Variants in MCPH1 observed in about 807,000 individuals in gnomAD.
MCPH1 encodes the protein microcephalin.
A neutral mutation model predicts 84.5 loss-of-function variants in MCPH1; 104 were observed. That is an observed-to-expected ratio of 1.23 (90% confidence interval 1.05 to 1.45). MCPH1 has a LOEUF of 1.45. Among genes scored for constraint, MCPH1 ranks in the 40% most tolerant of loss-of-function variants. MCPH1 has a pLI of 0.00. For missense variants in MCPH1, 1,498 were observed against 1,005.7 expected (o/e 1.49, Z -6.62); for synonymous variants, 514 against 366.8 (o/e 1.40, Z -4.58).
chr8:6,579,509 G>A (rs1372697876), intron 12 of MCPH1, among the ~76,000 whole-genome samples: 1 of 152,116 alleles, frequency 6.6e-6, no homozygotes, highest in Non-Finnish European at 1.5e-5. Flanking sequence ...GTTTTTCTGG[G>A]GCGTTCTAAT....
At chr8:6,639,690 A>G (rs1330982890) in intron 13 of MCPH1, among the ~76,000 whole-genome samples, 3 of 152,038 alleles carry the variant, frequency 2.0e-5, no homozygotes, top group Admixed American at 6.6e-5. Context: ...ACATATTTAC[A>G]TAGAAATAAA....
At chr8:6,526,588 A>G (rs1208269801) in intron 12 of MCPH1, among the ~76,000 whole-genome samples, 1 of 152,252 alleles carries the variant, frequency 6.6e-6, no homozygotes, top group Non-Finnish European at 1.5e-5. Context: ...TCAAAACCCT[A>G]AATCAATAAT....
At chr8:6,626,092 T>G in intron 13 of MCPH1, 2 of 985,300 alleles carry the variant, frequency 2.0e-6, no homozygotes, top group Non-Finnish European at 2.4e-6. Context: ...GACCAACAAC[T>G]CCATATCTAT....
At chr8:6,429,528 C>T (rs769340166) in intron 3 of MCPH1, among the ~76,000 whole-genome samples, 6 of 146,660 alleles carry the variant, frequency 4.1e-5, no homozygotes, top group Non-Finnish European at 7.6e-5. Flanking sequence ...TTGGGTTTCC[C>T]TTTTTTTTTT....
chr8:6,539,044 TG>T (rs1821023333), intron 12 of MCPH1, among the ~76,000 whole-genome samples: 1 of 152,080 alleles, frequency 6.6e-6, no homozygotes, highest in Non-Finnish European at 1.5e-5. Flanking sequence ...TGTGTGTGTG[TG>T]TGTGTTTATT....
chr8:6,573,701 C>T (rs1826845726), intron 12 of MCPH1, among the ~76,000 whole-genome samples: 1 of 152,190 alleles, frequency 6.6e-6, no homozygotes, highest in Non-Finnish European at 1.5e-5. Context: ...GAGATACCTC[C>T]TTCCAGGAAG....
intron 3 of MCPH1, among the ~76,000 whole-genome samples, chr8:6,422,426 T>C (rs1051047840): frequency 6.6e-6 from 1 of 152,096 alleles, no homozygotes; most frequent in African/African-American, 2.4e-5. Context: ...TTGAAGTAAA[T>C]GGAGATGCAT....
chr8:6,621,279 T>A, intron 12 of MCPH1, 175 bp from the exon 13 acceptor site: 1 of 786,032 alleles, frequency 1.3e-6, no homozygotes, highest in Non-Finnish European at 2.1e-6. Flanking sequence ...CAGTTTTATG[T>A]CATTAATGTC....
At chr8:6,510,068 T>C (rs1444411563) in intron 12 of MCPH1, among the ~76,000 whole-genome samples, 1 of 152,124 alleles carries the variant, frequency 6.6e-6, no homozygotes, top group Non-Finnish European at 1.5e-5. Context: ...GTAAGCTGAA[T>C]TGCAAAAATA....
chr8:6,602,559 G>C (rs4338132), intron 12 of MCPH1, among the ~76,000 whole-genome samples: 126,408 of 151,964 alleles, frequency 0.83, 55,101 homozygotes, highest in East Asian at 1. Context: ...CTCCCACTCA[G>C]AGAGCCTTCC....
intron 12 of MCPH1, among the ~76,000 whole-genome samples, chr8:6,597,217 G>C (rs985323537): frequency 6.6e-6 from 1 of 152,262 alleles, no homozygotes; most frequent in African/African-American, 2.4e-5. Context: ...GTCCTGTGTG[G>C]GGTCTGGCTG....
intron 12 of MCPH1, among the ~76,000 whole-genome samples, chr8:6,531,272 AGTTTCTTTCTT>A (rs958494286): frequency 1.4e-5 from 2 of 145,690 alleles, no homozygotes; most frequent in Admixed American, 6.8e-5. Flanking sequence ...TTATTTTACT[AGTTTCTTTCTT>A]TCTTTCTTTC....
intron 2 of MCPH1, among the ~76,000 whole-genome samples, chr8:6,412,989 G>T (rs1389784005): frequency 6.6e-6 from 1 of 151,946 alleles, no homozygotes; most frequent in African/African-American, 2.4e-5. Context: ...TGTTTCTTTT[G>T]GTATTTACCT....
chr8:6,534,738 C>G (rs895961136), intron 12 of MCPH1, among the ~76,000 whole-genome samples: 1 of 152,238 alleles, frequency 6.6e-6, no homozygotes, highest in African/African-American at 2.4e-5. Context: ...AGTCTGAAAT[C>G]TTACTAACCG....
intron 13 of MCPH1, among the ~76,000 whole-genome samples, chr8:6,624,415 C>CGTAGTGGGCGTCTCCAGT (rs1831843378): frequency 7.3e-5 from 11 of 150,796 alleles, no homozygotes; most frequent in Non-Finnish European, 1.0e-4. Flanking sequence ...GCGTCTCCAG[C>CGTAGTGGGCGTCTCCAGT]GTAGTGGGCG....
intron 3 of MCPH1, among the ~76,000 whole-genome samples, chr8:6,427,345 A>G (rs1030728785): frequency 9.2e-5 from 14 of 152,192 alleles, no homozygotes; most frequent in Admixed American, 5.9e-4. Context: ...CTGGATGTAT[A>G]TTTTTTGGAG....
At position 6,424,623 on chromosome 8, in the gene MCPH1, T is replaced by G. The variant is rs182374218; in HGVS notation, c.234-6876T>G. 3.9e-5 allele frequency among the ~76,000 whole-genome samples: 6 copies of G among 152,356 alleles called. No homozygotes were observed. In the East Asian group the frequency reaches 9.6e-4, roughly 24 times the overall value. The stretch of plus-strand genomic sequence containing the variant: ...CCAGTGATAGGAACGTCCCTCAGTT[T>G]GGAACGGTCTGATGTGTCCTCCTAA... On this transcript the variant is annotated intron_variant, in intron 3 of 13. Transcript: ENST00000344683.
chr8:6,512,271 A>T (rs1815304289), intron 12 of MCPH1, among the ~76,000 whole-genome samples: 1 of 152,138 alleles, frequency 6.6e-6, no homozygotes, highest in Non-Finnish European at 1.5e-5. Flanking sequence ...AGGCAACTTG[A>T]CATTTAGCCG....
At chr8:6,584,253 C>T (rs139425657) in intron 12 of MCPH1, among the ~76,000 whole-genome samples, 1 of 152,296 alleles carries the variant, frequency 6.6e-6, no homozygotes, top group African/African-American at 2.4e-5. Flanking sequence ...ACCGTAAGTT[C>T]ATCTGGTGCA....
Sources: gnomAD v4.1 joint callset for allele counts (sites outside exome capture counted in the v4.1 genomes callset) on GRCh38, gnomAD v4.1.1 for gene constraint, MANE v1.5 for transcripts, NCBI Gene and HGNC (gene_info 2026-07-23, HGNC 2026-07-21) for gene names.